The following TNFAIP8 variants were observed in gnomAD, a reference collection of about 807,000 sequenced individuals.
TNFAIP8 encodes tumor necrosis factor alpha-induced protein 8.
Under a neutral mutation model 13.3 loss-of-function variants are expected in TNFAIP8, and 7 were observed. The observed-to-expected ratio is 0.52, with a 90% CI of 0.30 to 0.99. The LOEUF (loss-of-function observed/expected upper bound fraction) is 0.99, where lower values mean the gene tolerates loss of function less well. TNFAIP8 is among the 50% of genes least tolerant of loss of function. TNFAIP8 has a pLI of 0.07. For missense variants in TNFAIP8, 258 were observed against 236.9 expected (o/e 1.09, Z -0.58); for synonymous variants, 94 against 87.6 (o/e 1.07, Z -0.41).
chr5:119,367,781 C>T (rs1359237279), intron 1 of TNFAIP8, among the ~76,000 whole-genome samples: 1 of 152,146 alleles, frequency 6.6e-6, no homozygotes, highest in Non-Finnish European at 1.5e-5. Flanking sequence ...GTCTTTGTCA[C>T]TCATTTCAAC....
At chr5:119,283,080 T>G (rs1347302614) in intron 1 of TNFAIP8, among the ~76,000 whole-genome samples, 1 of 152,206 alleles carries the variant, frequency 6.6e-6, no homozygotes, top group Non-Finnish European at 1.5e-5. Flanking sequence ...CTCTGAACTT[T>G]GGTATCTCTT....
chr5:119,321,418 C>T (rs1406787981), intron 1 of TNFAIP8, among the ~76,000 whole-genome samples: 1 of 152,040 alleles, frequency 6.6e-6, no homozygotes, highest in Non-Finnish European at 1.5e-5. Flanking sequence ...CTAATAACTT[C>T]CAAATTAATG....
chr5:119,268,847 G>T, exon 1 of TNFAIP8: 1 of 703,464 alleles, frequency 1.4e-6, no homozygotes, highest in Admixed American at 2.0e-5. Flanking sequence ...AGAGAACTCG[G>T]CGCCGCCAAA....
chr5:119,355,843 G>A, upstream of TNFAIP8: 4 of 1,074,070 alleles, frequency 3.7e-6, no homozygotes, highest in Non-Finnish European at 4.6e-6. Flanking sequence ...CCGGCTGCCG[G>A]CCCGAGCGCG....
At chr5:119,355,561 A>G (rs1006449581), upstream of TNFAIP8, 11 of 575,010 alleles carry the variant, frequency 1.9e-5, no homozygotes, top group East Asian at 2.9e-4. Flanking sequence ...GGGTTGCAAG[A>G]CTCCAAGACA....
chr5:119,391,266 T>C, intron 1 of TNFAIP8: 2 of 631,864 alleles, frequency 3.2e-6, no homozygotes, highest in East Asian at 2.8e-5. Flanking sequence ...AAACTAGAAA[T>C]AATCTTATAT....
chr5:119,280,125 C>T (rs2150803771), intron 1 of TNFAIP8, among the ~76,000 whole-genome samples: 1 of 152,242 alleles, frequency 6.6e-6, no homozygotes, highest in East Asian at 1.9e-4. Context: ...ACAAAGCAAA[C>T]ACCCATATAT....
intron 1 of TNFAIP8, among the ~76,000 whole-genome samples, chr5:119,323,307 C>T (rs1399923116): frequency 6.6e-6 from 1 of 152,088 alleles, no homozygotes; most frequent in Admixed American, 6.5e-5. Context: ...TTATAAGATC[C>T]TTAATAACCT....
At chr5:119,311,347 A>G (rs529279610) in intron 1 of TNFAIP8, among the ~76,000 whole-genome samples, 2 of 152,174 alleles carry the variant, frequency 1.3e-5, no homozygotes, top group East Asian at 3.9e-4. Context: ...TAAAGGAAAC[A>G]AAAGGTTGAA....
chr5:119,389,399 A>G (rs1752808452), intron 1 of TNFAIP8, among the ~76,000 whole-genome samples: 1 of 127,732 alleles, frequency 7.8e-6, no homozygotes, highest in Admixed American at 7.7e-5. Context: ...GTGGCAGTGG[A>G]TGAGATCACA....
intron 1 of TNFAIP8, among the ~76,000 whole-genome samples, chr5:119,345,234 G>C (rs749890405): frequency 6.6e-6 from 1 of 152,072 alleles, no homozygotes; most frequent in Non-Finnish European, 1.5e-5. Flanking sequence ...GCATATATTG[G>C]TCAGGGTCTA....
chr5:119,304,598 AC>A (rs1749496200), intron 1 of TNFAIP8, among the ~76,000 whole-genome samples: 1 of 152,212 alleles, frequency 6.6e-6, no homozygotes, highest in Non-Finnish European at 1.5e-5. Flanking sequence ...CCTAGTCCTC[AC>A]AGTTACTCTC....
chr5:119,371,870 G>A (rs965358610), intron 1 of TNFAIP8, among the ~76,000 whole-genome samples: 5 of 152,072 alleles, frequency 3.3e-5, no homozygotes, highest in African/African-American at 1.2e-4. Flanking sequence ...GGGCGTGGTG[G>A]CTCACACCTG....
At chr5:119,285,409 G>T (rs1254111689) in intron 1 of TNFAIP8, among the ~76,000 whole-genome samples, 1 of 152,110 alleles carries the variant, frequency 6.6e-6, no homozygotes, top group Non-Finnish European at 1.5e-5. Flanking sequence ...CTGTGGGAAG[G>T]AGTGCTGACT....
chr5:119,373,294 A>G (rs1273639375), intron 1 of TNFAIP8, among the ~76,000 whole-genome samples: 1 of 152,244 alleles, frequency 6.6e-6, no homozygotes, highest in Non-Finnish European at 1.5e-5. Flanking sequence ...AATGTAAGAG[A>G]GAGTGAAGAG....
chr5:119,303,654 G>C (rs1749461562), intron 1 of TNFAIP8, among the ~76,000 whole-genome samples: 1 of 152,146 alleles, frequency 6.6e-6, no homozygotes, highest in Non-Finnish European at 1.5e-5. Flanking sequence ...ATAAAAACAA[G>C]TTGAATTCAA....
intron 1 of TNFAIP8, among the ~76,000 whole-genome samples, chr5:119,330,591 C>A (rs1488787395): frequency 6.6e-6 from 1 of 152,072 alleles, no homozygotes; most frequent in Admixed American, 6.5e-5. Flanking sequence ...TGCTGCTTAA[C>A]CTCTCTGCTC....
chr5:119,308,858 A>G (rs1749646088), intron 1 of TNFAIP8, among the ~76,000 whole-genome samples: 1 of 144,726 alleles, frequency 6.9e-6, no homozygotes, highest in Non-Finnish European at 1.5e-5. Flanking sequence ...CCATCTCAAA[A>G]AAAAAAAAAA....
intron 1 of TNFAIP8, among the ~76,000 whole-genome samples, chr5:119,269,436 GTGTGTGTGTGTGTGTA>G (rs1052413935): frequency 6.6e-6 from 1 of 151,168 alleles, no homozygotes; most frequent in Non-Finnish European, 1.5e-5. Context: ...GGAAGAAAAT[GTGTGTGTGTGTGTGTA>G]TGTGTGTGTG....
Sources: allele counts gnomAD v4.1 joint callset (sites outside exome capture counted in the v4.1 genomes callset), GRCh38; gene constraint gnomAD v4.1.1; transcripts MANE v1.5; gene names NCBI Gene and HGNC (gene_info 2026-07-23, HGNC 2026-07-21).